The following ARHGAP27 variants were observed in gnomAD, a reference collection of about 807,000 sequenced individuals.
ARHGAP27 encodes the protein Rho GTPase activating protein 27.
Under a neutral mutation model 102.0 loss-of-function variants are expected in ARHGAP27, and 53 were observed. The ratio of observed to expected loss-of-function variants is 0.52; its 90% CI spans 0.42 to 0.65. ARHGAP27 has a LOEUF of 0.65. Among genes scored for constraint, ARHGAP27 ranks in the 30% least tolerant of loss-of-function variants. The pLI is 0.00. For synonymous variants in ARHGAP27, 525 were observed against 542.8 expected, an observed-to-expected ratio of 0.97 and a Z score of 0.46; for missense variants, 1,117 against 1,256.2, an observed-to-expected ratio of 0.89 and a Z score of 1.68.
chr17:45,428,974 T>C (rs1368848595), intron 4 of ARHGAP27, among the ~76,000 whole-genome samples: 6 of 152,194 alleles, frequency 3.9e-5, no homozygotes, highest in Non-Finnish European at 8.8e-5. Flanking sequence ...ACAACCTCAC[T>C]TAACCGGACG....
chr17:45,417,266 C>T (rs2048563145), intron 4 of ARHGAP27, among the ~76,000 whole-genome samples: 1 of 151,060 alleles, frequency 6.6e-6, no homozygotes, highest in Non-Finnish European at 1.5e-5. Context: ...ACTTTCAAGA[C>T]CAGCCTGACC....
Position 45,395,393 on chromosome 17 carries a change from T to C in ARHGAP27, c.*63A>G. On this transcript the variant is annotated 3_prime_UTR_variant, in exon 20 of 20. Transcript: ENST00000685559. ...CCAGAGAGAAGAAGGCCCGGCTGCG[T>C]GGCCTCCGCCGCCCAGCTTGTGTGG... 1 of 1,499,064 alleles carries C rather than the reference T, an allele frequency of 6.7e-7. No individual in the cohort carries two copies. The highest frequency in any genetic ancestry group is 8.9e-7 in the Non-Finnish European group (1 of 1,117,656). The allele number at this position is 1,499,064 out of a possible 1,614,324, so 92.9% of individuals were successfully genotyped here. A position where few individuals can be genotyped will look rare whatever the true frequency, so the allele number is the denominator to read the frequency against.
In ARHGAP27 at chr17:45,406,100, G is replaced by T; in HGVS notation, c.658-17C>A. On this transcript the variant is annotated splice_polypyrimidine_tract_variant and intron_variant, in intron 4 of 19. Transcript: ENST00000685559. ...GTCGTCCACCTGCGGGAGGAGAAAG[G>T]AGGAATTTTGTGTTTTCAGAAACCT... 1 of 1,498,176 alleles carries T rather than the reference G, an allele frequency of 6.7e-7. No individual in the cohort carries two copies. The highest frequency in any genetic ancestry group is 8.9e-7 in the Non-Finnish European group (1 of 1,125,108). 92.8% of individuals were successfully genotyped at this position (1,498,176 alleles called of 1,614,324 possible). A position where few individuals can be genotyped will look rare whatever the true frequency, so the allele number is the denominator to read the frequency against.
intron 4 of ARHGAP27, among the ~76,000 whole-genome samples, chr17:45,419,510 A>ATGTATGTATATG (rs1555563574): frequency 1.3e-5 from 1 of 76,718 alleles, no homozygotes; most frequent in African/African-American, 7.1e-5. Context: ...CTTATGCTGT[A>ATGTATGTATATG]TGTATATATA....
chr17:45,404,461 C>G lies in ARHGAP27; in HGVS notation c.1397G>C (p.Ser466Thr). 6.2e-7 allele frequency: 1 copy of G among 1,614,014 alleles called. No individual in the cohort carries two copies. Among genetic ancestry groups the G allele is most frequent in the Non-Finnish European group, 8.5e-7 (1 of 1,179,964 alleles). Residue 466 changes from serine to threonine, a missense_variant, in exon 8 of 20, where the codon AGC (serine) becomes ACC (threonine). Coordinates refer to ENST00000685559, the MANE Select transcript of ARHGAP27 (RefSeq NM_001282290.2). Reference protein sequence around the residue: ...SQDGDTPAQASPPEEKVPAEL... With the variant: ...SQDGDTPAQATPPEEKVPAEL... ...CTCCCCTACCTTCTCCTCTGGAGGG[C>G]TGGCCTGGGCTGGGGTGTCACCATC...
At chr17:45,425,636 C>T (rs912681914) in intron 4 of ARHGAP27, 6 of 985,470 alleles carry the variant, frequency 6.1e-6, no homozygotes, top group Middle Eastern at 5.2e-4. Flanking sequence ...TCATGTGCGG[C>T]GCCTCCGGGG....
In ARHGAP27 at chr17:45,396,228, GCTT is replaced by G; in HGVS notation, c.2227_2229del (p.Lys743del). On this transcript the variant is annotated inframe_deletion, in exon 17 of 20. Transcript: ENST00000685559. The stretch of plus-strand genomic sequence containing the variant: ...TCACCGTGGTCCACCTTATAGCGTA[GCTT>G]CTGGATGGTGGCCAGGTTTCCACTG... 1 of 1,613,546 alleles carries G rather than the reference GCTT, an allele frequency of 6.2e-7. No individual in the cohort carries two copies. Among genetic ancestry groups the G allele is most frequent in the Non-Finnish European group, 8.5e-7 (1 of 1,179,676 alleles).
rs929013797 is a variant in ARHGAP27 at position 45,431,618 on chromosome 17, C to G, written c.-19+3G>C. Reference sequence around the variant, plus strand: ...CTCCCCTTGGACCCCGCAGCGCACTCACGTCGGCTGGGCGGGCCTCAGGGA... The same window carrying G: ...CTCCCCTTGGACCCCGCAGCGCACTGACGTCGGCTGGGCGGGCCTCAGGGA... On this transcript the variant is annotated splice_donor_region_variant and intron_variant, in intron 3 of 19. Transcript: ENST00000685559. 4.0e-5 allele frequency: 7 copies of G among 174,602 alleles called. No individual in the cohort carries two copies. The highest frequency in any genetic ancestry group is 8.6e-5 in the Non-Finnish European group (7 of 81,558). The allele number at this position is 174,602 out of a possible 1,614,324, so 10.8% of individuals were successfully genotyped here.
In ARHGAP27 at chr17:45,395,519, C is replaced by A; in HGVS notation, c.2607G>T (p.Val869=). The part of the protein sequence containing the change: ...VEETSMPMTM[V]FQNQVVELIL... ...TGAGCTCCACCACCTGGTTCTGGAA[C>A]ACCATGGTCATGGGCATGCTGGTCT... The change falls in exon 20 of 20, where the codon GTG becomes GTT. Residue 869 remains valine (V), a synonymous_variant. Transcript: ENST00000685559. 6.3e-7 allele frequency: 1 copy of A among 1,598,790 alleles called. No individual in the cohort carries two copies.
intron 13 of ARHGAP27, 108 bp from the exon 14 acceptor site, chr17:45,397,132 C>T: frequency 6.6e-7 from 1 of 1,509,224 alleles, no homozygotes; most frequent in Non-Finnish European, 8.8e-7. Flanking sequence ...GCCTGGAGAC[C>T]CTCAGCGAAG....
intron 5 of ARHGAP27, 113 bp downstream of exon 5, chr17:45,405,563 C>G: frequency 7.4e-7 from 1 of 1,356,210 alleles, no homozygotes; most frequent in Non-Finnish European, 9.8e-7. Flanking sequence ...TCAGAGGTAG[C>G]CCCGCCCACC....
At chr17:45,401,002 A>G (rs565266179) in intron 12 of ARHGAP27, among the ~76,000 whole-genome samples, 14 of 152,196 alleles carry the variant, frequency 9.2e-5, no homozygotes, top group Non-Finnish European at 1.6e-4. Flanking sequence ...AGTTGATCAC[A>G]GAACTCTATC....
chr17:45,418,455 G>C (rs2048702414), intron 4 of ARHGAP27, among the ~76,000 whole-genome samples: 1 of 151,930 alleles, frequency 6.6e-6, no homozygotes, highest in Non-Finnish European at 1.5e-5. Context: ...GGGTGACAGA[G>C]CGAGACCCTG....
Position 45,404,600 on chromosome 17 carries a change from C to T in ARHGAP27, c.1329+1G>A. The T allele has an allele frequency of 6.2e-7, 1 of 1,614,056 alleles. No individual in the cohort carries two copies. ...ACACCCCCCTTTCCCCAGGTTGTTACCTGGGGCAGCTCCCATCGAACAGAG... is the reference window on the plus strand; with the variant it reads ...ACACCCCCCTTTCCCCAGGTTGTTATCTGGGGCAGCTCCCATCGAACAGAG... On this transcript the variant is annotated splice_donor_variant, in intron 7 of 19. Coordinates refer to ENST00000685559, the MANE Select transcript of ARHGAP27 (RefSeq NM_001282290.2). LOFTEE classifies it high-confidence loss of function.
chr17:45,431,679 G>A lies in ARHGAP27; in HGVS notation c.-77C>T. 1 of 177,332 alleles carries A rather than the reference G, an allele frequency of 5.6e-6. No homozygotes were observed. Among genetic ancestry groups the A allele is most frequent in the African/African-American group, 2.4e-5 (1 of 41,748 alleles). The allele number at this position is 177,332 out of a possible 1,614,324, so 11.0% of individuals were successfully genotyped here. ...TGGGTGGGCGGAGCCGGCGGTGGCT[G>A]CAGGTTAGGCCCCTACCATCGCCCT... On this transcript the variant is annotated 5_prime_UTR_variant, in exon 3 of 20. Transcript: ENST00000685559.
chr17:45,396,144 G>A (rs1907757140), intron 17 of ARHGAP27, 27 bp from the exon 18 acceptor site: 2 of 1,601,640 alleles, frequency 1.2e-6, no homozygotes, highest in African/African-American at 1.3e-5. Context: ...GAGGAGGACG[G>A]AAGGGAAATC....
At position 45,394,824 on chromosome 17, in the gene ARHGAP27, G is replaced by A. The variant is rs2045400308; in HGVS notation, c.*632C>T. The A allele has an allele frequency of 6.6e-6, 1 of 152,542 alleles. No individual in the cohort carries two copies. The highest frequency in any genetic ancestry group is 1.5e-5 in the Non-Finnish European group (1 of 68,298). 9.4% of individuals were successfully genotyped at this position (152,542 alleles called of 1,614,324 possible). A position where few individuals can be genotyped will look rare whatever the true frequency, so the allele number is the denominator to read the frequency against. On this transcript the variant is annotated 3_prime_UTR_variant, in exon 20 of 20. Transcript: ENST00000685559. ...GGAAGAAGCCTTGCACAGAACACCAGTGGGTCAAGGACAGCAGAGGCCCGG... is the reference window on the plus strand; with the variant it reads ...GGAAGAAGCCTTGCACAGAACACCAATGGGTCAAGGACAGCAGAGGCCCGG...
chr17:45,401,570 A>G (rs1211822846), intron 12 of ARHGAP27: 1 of 152,176 alleles, frequency 6.6e-6, no homozygotes, highest in Non-Finnish European at 1.5e-5. Flanking sequence ...CTTCATCATA[A>G]TGATGCTACC....
At chr17:45,409,887 C>T (rs770797629) in intron 4 of ARHGAP27, 20 of 277,188 alleles carry the variant, frequency 7.2e-5, no homozygotes, top group African/African-American at 1.1e-4. Context: ...GCTCTTGGGT[C>T]GCATCCTAGA....
Sources: allele counts gnomAD v4.1 joint callset (sites outside exome capture counted in the v4.1 genomes callset), GRCh38; gene constraint gnomAD v4.1.1; transcripts MANE v1.5; gene names NCBI Gene and HGNC (gene_info 2026-07-23, HGNC 2026-07-21).